GMPR: variants seen among roughly 807,000 people sequenced by gnomAD.
The protein encoded by GMPR is GMP reductase 1.
GMPR carries 31 observed loss-of-function variants against 38.4 expected under a neutral mutation model. The ratio of observed to expected loss-of-function variants is 0.81; its 90% CI spans 0.61 to 1.09. The LOEUF (loss-of-function observed/expected upper bound fraction) is 1.09, where lower values mean the gene tolerates loss of function less well. Among genes scored for constraint, GMPR ranks in the 50% least tolerant of loss-of-function variants. The pLI is 0.00. For missense variants in GMPR, 468 were observed against 453.7 expected (o/e 1.03, Z -0.29); for synonymous variants, 162 against 173.3 (o/e 0.93, Z 0.51).
intron 4 of GMPR, among the ~76,000 whole-genome samples, chr6:16,271,087 T>A (rs1048701744): frequency 2.0e-5 from 3 of 152,140 alleles, no homozygotes; most frequent in African/African-American, 7.2e-5. Context: ...ACCTGGTACG[T>A]CTATGGTGAG....
chr6:16,239,737 G>T (rs1215635684), intron 1 of GMPR, among the ~76,000 whole-genome samples: 1 of 152,220 alleles, frequency 6.6e-6, no homozygotes, highest in Non-Finnish European at 1.5e-5. Flanking sequence ...AAAGAAGTCC[G>T]CTGCCCACTC....
intron 4 of GMPR, among the ~76,000 whole-genome samples, chr6:16,266,618 C>G (rs1024253678): frequency 2.0e-5 from 3 of 151,294 alleles, no homozygotes; most frequent in Non-Finnish European, 4.4e-5. Context: ...CTGGCTAACA[C>G]GGTGAAACCC....
intron 7 of GMPR, among the ~76,000 whole-genome samples, chr6:16,286,731 C>T (rs979751744): frequency 6.6e-6 from 1 of 151,562 alleles, no homozygotes; most frequent in African/African-American, 2.4e-5. Flanking sequence ...GACAATACCC[C>T]ATCTCTACTA....
intron 4 of GMPR, among the ~76,000 whole-genome samples, chr6:16,266,110 ATCTT>A (rs1759206571): frequency 1.3e-5 from 1 of 75,248 alleles, no homozygotes; most frequent in Non-Finnish European, 3.1e-5. Flanking sequence ...AACACTTGCC[ATCTT>A]TAAGAGCTGT....
chr6:16,263,006 G>A (rs113563718), intron 4 of GMPR: 1 of 152,126 alleles, frequency 6.6e-6, no homozygotes, highest in Non-Finnish European at 1.5e-5. Context: ...AGGAGCGGAG[G>A]CTGAGAAAGA....
intron 1 of GMPR, among the ~76,000 whole-genome samples, chr6:16,241,014 T>A (rs1318405197): frequency 6.6e-6 from 1 of 152,080 alleles, no homozygotes; most frequent in African/African-American, 2.4e-5. Context: ...GCCTCCCTAA[T>A]CCCCTCTCAA....
chr6:16,262,357 C>G (rs185645775), intron 4 of GMPR: 1 of 151,956 alleles, frequency 6.6e-6, no homozygotes, highest in Admixed American at 6.6e-5. Flanking sequence ...TTAGACAGTC[C>G]GATTTCCAGT....
At chr6:16,286,485 G>A (rs1347146142) in intron 7 of GMPR, among the ~76,000 whole-genome samples, 2 of 151,984 alleles carry the variant, frequency 1.3e-5, no homozygotes, top group African/African-American at 4.8e-5. Flanking sequence ...TGAAATGGGC[G>A]TTGTGGGTGC....
chr6:16,268,681 G>C (rs1003752064), intron 4 of GMPR, among the ~76,000 whole-genome samples: 2 of 152,128 alleles, frequency 1.3e-5, no homozygotes, highest in African/African-American at 4.8e-5. Context: ...TCATCCTATG[G>C]AAAGGATTTT....
chr6:16,292,059 G>A (rs1416768420), intron 8 of GMPR, among the ~76,000 whole-genome samples: 1 of 152,336 alleles, frequency 6.6e-6, no homozygotes, highest in South Asian at 2.1e-4. Flanking sequence ...GAGGGAAGTT[G>A]CCTGTGAATC....
At chr6:16,293,869 A>C (rs1292539890) in intron 8 of GMPR, among the ~76,000 whole-genome samples, 2 of 152,218 alleles carry the variant, frequency 1.3e-5, no homozygotes, top group East Asian at 3.8e-4. Context: ...TACTTGTTAG[A>C]ACTTGCATGG....
At chr6:16,259,926 G>A (rs1211483283) in intron 4 of GMPR, among the ~76,000 whole-genome samples, 6 of 152,124 alleles carry the variant, frequency 3.9e-5, no homozygotes, top group African/African-American at 1.4e-4. Context: ...GTAAACAAGA[G>A]CAGGGCATGT....
At chr6:16,257,661 A>G (rs1759006609) in intron 4 of GMPR, among the ~76,000 whole-genome samples, 1 of 152,200 alleles carries the variant, frequency 6.6e-6, no homozygotes, top group South Asian at 2.1e-4. Context: ...AATTGCTCAC[A>G]GTTCTGGAGG....
chr6:16,266,138 TTTAA>T (rs1759210551), intron 4 of GMPR, among the ~76,000 whole-genome samples: 3 of 126,324 alleles, frequency 2.4e-5, no homozygotes, highest in Admixed American at 1.5e-4. Context: ...ACTTGCCATC[TTTAA>T]GAGCTGTAAC....
intron 4 of GMPR, chr6:16,263,003 G>A (rs1267376265): frequency 6.6e-6 from 1 of 152,038 alleles, no homozygotes; most frequent in African/African-American, 2.4e-5. Flanking sequence ...TGGAGGAGCG[G>A]AGGCTGAGAA....
intron 1 of GMPR, among the ~76,000 whole-genome samples, chr6:16,244,377 C>T (rs1336628045): frequency 6.6e-6 from 1 of 151,896 alleles, no homozygotes; most frequent in African/African-American, 2.4e-5. Context: ...CCAAGCCTGG[C>T]TAGTTTTTTC....
At chr6:16,288,442 G>A (rs1478401034) in intron 7 of GMPR, among the ~76,000 whole-genome samples, 4 of 152,222 alleles carry the variant, frequency 2.6e-5, no homozygotes, top group Non-Finnish European at 5.9e-5. Context: ...AGCAGTGCCA[G>A]CCCACTGGCG....
chr6:16,251,121 C>CA (rs1758865770), intron 3 of GMPR, among the ~76,000 whole-genome samples: 1 of 152,054 alleles, frequency 6.6e-6, no homozygotes, highest in African/African-American at 2.4e-5. Context: ...CATAATAGCC[C>CA]AAAAGTAGAC....
intron 6 of GMPR, among the ~76,000 whole-genome samples, chr6:16,285,090 C>G (rs1759653058): frequency 6.7e-6 from 1 of 149,636 alleles, no homozygotes; most frequent in South Asian, 2.1e-4. Flanking sequence ...TCCTAGAAGA[C>G]TTGTACTGTG....
Sources: gnomAD v4.1 joint callset for allele counts (sites outside exome capture counted in the v4.1 genomes callset) on GRCh38, gnomAD v4.1.1 for gene constraint, MANE v1.5 for transcripts, NCBI Gene and HGNC (gene_info 2026-07-23, HGNC 2026-07-21) for gene names.